Variants in SGF29 observed in about 807,000 individuals in gnomAD.
SGF29 encodes the protein SAGA-associated factor 29.
In SGF29, 15 loss-of-function variants were observed where a neutral mutation model predicts 38.1. That is an observed-to-expected ratio of 0.39 (90% CI 0.26 to 0.61). The LOEUF is 0.61. Ranked by LOEUF, SGF29 falls within the 20% of genes least tolerant of loss-of-function variation. The pLI, the probability that SGF29 is intolerant of heterozygous loss-of-function variation, is 0.49. For synonymous variants in SGF29, 151 were observed against 160.8 expected, an observed-to-expected ratio of 0.94 and a Z score of 0.46; for missense variants, 184 against 394.6, an observed-to-expected ratio of 0.47 and a Z score of 4.52.
Position 28,569,490 on chromosome 16 carries a change from T to C in SGF29, c.-15-11565T>C, listed in dbSNP as rs62034353. Among the ~76,000 whole-genome samples, 368 of 151,446 alleles carry C rather than the reference T, an allele frequency of 2.4e-3. 1 individual carries two copies. Among genetic ancestry groups the C allele is most frequent in the Middle Eastern group, 0.017 (5 of 292 alleles). ...GCCTGGGCAACATGGTGCAACCCTG[T>C]CTCTACAAAAAATTAGCCGGGCATG... On this transcript the variant is annotated intron_variant, in intron 1 of 9. Coordinates refer to ENST00000317058, the MANE Select transcript of SGF29 (RefSeq NM_138414.3).
In SGF29 at chr16:28,590,495, T is replaced by G. The variant is rs999799332; in HGVS notation, c.566+53T>G. 8 of 1,613,614 alleles carry G rather than the reference T, an allele frequency of 5.0e-6. No homozygotes were observed. In the African/African-American group the frequency reaches 5.3e-5, roughly 11 times the overall value. Reference sequence around the variant, plus strand: ...CTCTGGTCACCGAACTTGCCTGGGCTACGGGAGAAAAGCTCTGCAGAGGGT... The same window carrying G: ...CTCTGGTCACCGAACTTGCCTGGGCGACGGGAGAAAAGCTCTGCAGAGGGT... On this transcript the variant is annotated intron_variant, in intron 7 of 9. Transcript: ENST00000317058. The surrounding 1 kb of genome is among the most constrained non-coding windows in gnomAD (Gnocchi z 8.2).
At chr16:28,556,708 C>A (rs1305599892) in intron 1 of SGF29, among the ~76,000 whole-genome samples, 1 of 151,726 alleles carries the variant, frequency 6.6e-6, no homozygotes, top group African/African-American at 2.4e-5. Flanking sequence ...CCTAGTGGTG[C>A]CATTATAGCT....
intron 1 of SGF29, among the ~76,000 whole-genome samples, chr16:28,579,735 A>T (rs2046915017): frequency 6.6e-6 from 1 of 151,604 alleles, no homozygotes; most frequent in African/African-American, 2.4e-5. Context: ...GTTTGAGACC[A>T]GCCTGGCCAA....
chr16:28,559,252 C>G (rs1190597992), intron 1 of SGF29, among the ~76,000 whole-genome samples: 1 of 152,096 alleles, frequency 6.6e-6, no homozygotes, highest in Non-Finnish European at 1.5e-5. Flanking sequence ...CCAAAGAAGT[C>G]AAGGCTGCAG....
rs190452273 is a variant in SGF29, at chr16:28,554,658, T to A, written c.-16+561T>A. Among the ~76,000 whole-genome samples the A allele has an allele frequency of 6.0e-4, 91 of 152,274 alleles. 1 individual carries two copies. The East Asian group carries it at 0.016, about 26-fold the overall frequency. ...ACAAAACAGCCTCCTTCACCCTCGC[T>A]ATCCTCCAGTTACCTCCTCCTCGGC... On this transcript the variant is annotated intron_variant, in intron 1 of 9. Transcript: ENST00000317058.
rs537494258 is a variant in SGF29, at chr16:28,591,031, C to T, written c.765+96C>T. 13 of 1,406,350 alleles carry T rather than the reference C, an allele frequency of 9.2e-6. No individual in the cohort carries two copies. In the East Asian group the frequency reaches 2.8e-4, roughly 30 times the overall value. The allele number at this position is 1,406,350 out of a possible 1,614,324, so 87.1% of individuals were successfully genotyped here. On this transcript the variant is annotated intron_variant, in intron 9 of 9. Transcript: ENST00000317058. Reference sequence around the variant, plus strand: ...TCTCCCCACTCCTTCCCTTTGTCCTCATCTCACAGGCTCCAAGCTGACAGG... The same window carrying T: ...TCTCCCCACTCCTTCCCTTTGTCCTTATCTCACAGGCTCCAAGCTGACAGG...
At chr16:28,566,691 G>A (rs1230663785) in intron 1 of SGF29, among the ~76,000 whole-genome samples, 1 of 152,014 alleles carries the variant, frequency 6.6e-6, no homozygotes, top group Non-Finnish European at 1.5e-5. Flanking sequence ...TGAGCCTGGA[G>A]AGAGAATTGC....
intron 1 of SGF29, among the ~76,000 whole-genome samples, chr16:28,559,960 C>T (rs1164932555): frequency 6.6e-6 from 1 of 152,114 alleles, no homozygotes; most frequent in Non-Finnish European, 1.5e-5. Context: ...ATGGCCTGGG[C>T]ATGGTGTCTT....
chr16:28,582,468 A>G (rs1895721114), intron 2 of SGF29, among the ~76,000 whole-genome samples: 1 of 152,172 alleles, frequency 6.6e-6, no homozygotes, highest in Non-Finnish European at 1.5e-5. Flanking sequence ...GTAGTTAATT[A>G]TCTAACAGTA....
intron 1 of SGF29, among the ~76,000 whole-genome samples, chr16:28,562,834 G>A (rs947074241): frequency 1.7e-4 from 26 of 149,700 alleles, no homozygotes; most frequent in Non-Finnish European, 3.7e-4. Context: ...AGCCTGGGAG[G>A]TGCAGGCTAC....
At chr16:28,568,588 G>C (rs948135030) in intron 1 of SGF29, among the ~76,000 whole-genome samples, 6 of 123,370 alleles carry the variant, frequency 4.9e-5, no homozygotes, top group Non-Finnish European at 7.7e-5. Flanking sequence ...TGATAATTAA[G>C]GGGTGGTTGG....
At chr16:28,588,504 G>A in intron 4 of SGF29, 1 of 359,748 alleles carries the variant, frequency 2.8e-6, no homozygotes, top group Non-Finnish European at 5.4e-6. Flanking sequence ...TTGGCATGCT[G>A]CTTTCTACCA....
intron 1 of SGF29, among the ~76,000 whole-genome samples, chr16:28,576,137 T>C (rs1007812965): frequency 6.6e-6 from 1 of 152,074 alleles, no homozygotes; most frequent in Non-Finnish European, 1.5e-5. Context: ...AATACACTTA[T>C]TAAGATAAAC....
chr16:28,569,275 A>C (rs539536548), intron 1 of SGF29, among the ~76,000 whole-genome samples: 4 of 152,334 alleles, frequency 2.6e-5, no homozygotes, highest in African/African-American at 9.6e-5. Context: ...AAATGTGAGA[A>C]GAGAGAAACA....
intron 4 of SGF29, among the ~76,000 whole-genome samples, chr16:28,588,388 G>T (rs2046967338): frequency 1.3e-5 from 2 of 152,126 alleles, no homozygotes; most frequent in African/African-American, 2.4e-5. Flanking sequence ...CAGACCTGAG[G>T]CCCCCTCTCC....
At chr16:28,586,388 A>C (rs921053377) in intron 4 of SGF29, among the ~76,000 whole-genome samples, 3 of 151,892 alleles carry the variant, frequency 2.0e-5, no homozygotes, top group Non-Finnish European at 4.4e-5. Flanking sequence ...AAAATACAAA[A>C]ATTAGCCAGG....
rs1364772443 is a variant in SGF29, at chr16:28,590,040, G to A, written c.290-56G>A. 9 of 1,569,588 alleles carry A rather than the reference G, an allele frequency of 5.7e-6. No individual in the cohort carries two copies. The highest frequency in any genetic ancestry group is 3.7e-5 in the Admixed American group (2 of 53,658). On this transcript the variant is annotated intron_variant, in intron 5 of 9. Transcript: ENST00000317058. The surrounding 1 kb of genome is among the most constrained non-coding windows in gnomAD (Gnocchi z 8.2). Reference sequence around the variant, plus strand: ...TTCAACAGCTCAGTGCAGCATGCTCGGGGGTCAAGGCCGGCACCTATCCCT... The same window carrying A: ...TTCAACAGCTCAGTGCAGCATGCTCAGGGGTCAAGGCCGGCACCTATCCCT...
At chr16:28,589,583 G>A (rs2046975397) in intron 5 of SGF29, among the ~76,000 whole-genome samples, 1 of 152,230 alleles carries the variant, frequency 6.6e-6, no homozygotes, top group African/African-American at 2.4e-5. Context: ...TCCCATGGTG[G>A]GCAGAATCTT....
chr16:28,577,343 A>T (rs578068696), intron 1 of SGF29, among the ~76,000 whole-genome samples: 14 of 141,232 alleles, frequency 9.9e-5, no homozygotes, highest in Non-Finnish European at 1.7e-4. Context: ...CATTTTCAAC[A>T]CCTGGCCAAA....
Sources: allele counts gnomAD v4.1 joint callset (sites outside exome capture counted in the v4.1 genomes callset), GRCh38; gene constraint gnomAD v4.1.1; non-coding constraint Gnocchi (gnomAD v3.1); transcripts MANE v1.5; gene names NCBI Gene and HGNC (gene_info 2026-07-23, HGNC 2026-07-21).